The following PRDM6 variants were observed in gnomAD, a reference collection of about 807,000 sequenced individuals.
PRDM6 encodes PR/SET domain 6.
Under a neutral mutation model 60.8 loss-of-function variants are expected in PRDM6, and 25 were observed. The observed-to-expected ratio is 0.41, with a 90% confidence interval of 0.30 to 0.57. The LOEUF is 0.57. Ranked by LOEUF, PRDM6 falls within the 20% of genes least tolerant of loss-of-function variation. The pLI, the probability that PRDM6 is intolerant of heterozygous loss-of-function variation, is 0.27. For missense variants in PRDM6, 839 were observed against 821.3 expected, an observed-to-expected ratio of 1.02 and a Z score of -0.26; for synonymous variants, 407 against 357.4, an observed-to-expected ratio of 1.14 and a Z score of -1.57.
intron 4 of PRDM6, 89 bp from the exon 5 acceptor site, chr5:123,159,425 C>G: frequency 7.0e-7 from 1 of 1,432,058 alleles, no homozygotes; most frequent in Admixed American, 2.4e-5. Flanking sequence ...GATGGAGCTG[C>G]GTAGAACTTT....
chr5:123,180,194 A>G lies in PRDM6; in HGVS notation c.1544A>G (p.Glu515Gly). 6.4e-7 allele frequency: 1 copy of G among 1,552,114 alleles called. No individual in the cohort carries two copies. The highest frequency in any genetic ancestry group is 8.7e-7 in the Non-Finnish European group (1 of 1,147,022). ...TCCCAGTCCTTTTCCCAGCCTTCAG[A>G]ACTGAGGAACCACGTGGTCACTCAC... The part of the protein sequence containing the change: ...HCSQSFSQPS[E>G]LRNHVVTHSS... Residue 515 changes from glutamate to glycine, a missense_variant, in exon 7 of 8, where the codon GAA becomes GGA. This residue lies in a region of PRDM6 where 109 missense variants were observed against 172.6 expected (regional missense o/e 0.63). Coordinates refer to ENST00000407847, the MANE Select transcript of PRDM6 (RefSeq NM_001136239.4).
chr5:123,111,590 C>G (rs335186), intron 3 of PRDM6, among the ~76,000 whole-genome samples: 27,797 of 151,772 alleles, frequency 0.18, 2,660 homozygotes, highest in Non-Finnish European at 0.21. Flanking sequence ...CCCAGCTACT[C>G]GGGAGCCTGA....
chr5:123,114,491 T>C (rs1764388852), intron 3 of PRDM6, among the ~76,000 whole-genome samples: 1 of 152,164 alleles, frequency 6.6e-6, no homozygotes, highest in Non-Finnish European at 1.5e-5. Context: ...CCTTGAGACT[T>C]GTTGAGGTTT....
intron 3 of PRDM6, among the ~76,000 whole-genome samples, chr5:123,153,505 TCA>T (rs1765420261): frequency 6.6e-6 from 1 of 152,164 alleles, no homozygotes; most frequent in East Asian, 1.9e-4. Flanking sequence ...GGGATTTGCG[TCA>T]CAGTTTCATG....
At chr5:123,090,941 C>A (rs763225785) in intron 2 of PRDM6, among the ~76,000 whole-genome samples, 4 of 152,190 alleles carry the variant, frequency 2.6e-5, no homozygotes, top group Non-Finnish European at 5.9e-5. Flanking sequence ...GGACAGTGCC[C>A]GGGGCCAGGC....
At position 123,190,170 on chromosome 5, in the gene PRDM6, CT is replaced by C. The variant is rs1766379926; in HGVS notation, c.*2972del. 2 of 152,242 alleles carry C rather than the reference CT, an allele frequency of 1.3e-5. No individual in the cohort carries two copies. The highest frequency in any genetic ancestry group is 4.1e-4 in the South Asian group (2 of 4,822). 9.4% of individuals were successfully genotyped at this position (152,242 alleles called of 1,614,324 possible). A position where few individuals can be genotyped will look rare whatever the true frequency, so the allele number is the denominator to read the frequency against. ...TGAAGCAATCCTTCTTTACTCTTTT[CT>C]TTCAATGGGGATAAAATAATAATAA... is the stretch of plus-strand genomic sequence containing the variant. On this transcript the variant is annotated 3_prime_UTR_variant, in exon 8 of 8. Transcript: ENST00000407847.
At position 123,111,761 on chromosome 5, in the gene PRDM6, T is replaced by G. The variant is rs138807781; in HGVS notation, c.900+11800T>G. 3.5e-4 allele frequency among the ~76,000 whole-genome samples: 54 copies of G among 152,234 alleles called. No individual in the cohort carries two copies. The East Asian group carries it at 0.01, about 29-fold the overall frequency. On this transcript the variant is annotated intron_variant, in intron 3 of 7. Transcript: ENST00000407847. ...CTTTCTCTTCCTTGCCCCTTGTGGTTGTTTGCCCCGCTTCCTGCCTCTTCC... is the reference window on the plus strand; with the variant it reads ...CTTTCTCTTCCTTGCCCCTTGTGGTGGTTTGCCCCGCTTCCTGCCTCTTCC...
chr5:123,126,120 G>A (rs905539147), intron 3 of PRDM6, among the ~76,000 whole-genome samples: 1 of 152,098 alleles, frequency 6.6e-6, no homozygotes, highest in African/African-American at 2.4e-5. Flanking sequence ...TAGGGACCAC[G>A]TTGGCATAAC....
intron 4 of PRDM6, among the ~76,000 whole-genome samples, chr5:123,158,382 A>G (rs1012478533): frequency 6.6e-6 from 1 of 152,214 alleles, no homozygotes; most frequent in African/African-American, 2.4e-5. Context: ...AAGGGTAGCA[A>G]GAGCTAGGCA....
At position 123,186,304 on chromosome 5, in the gene PRDM6, T is replaced by G. The variant is rs566510451; in HGVS notation, c.1674-783T>G. Among the ~76,000 whole-genome samples the G allele has an allele frequency of 5.3e-5, 8 of 152,340 alleles. 1 individual carries two copies. The East Asian group carries it at 1.2e-3, about 22-fold the overall frequency. On this transcript the variant is annotated intron_variant, in intron 7 of 7. Transcript: ENST00000407847. ...CACCAAGCTAGTAAGTGAAGGTTGT[T>G]TGGAAGATATGGACATGGGAGATAG... is the stretch of plus-strand genomic sequence containing the variant.
At chr5:123,139,505 T>G (rs1242995549) in intron 3 of PRDM6, among the ~76,000 whole-genome samples, 1 of 152,146 alleles carries the variant, frequency 6.6e-6, no homozygotes, top group Non-Finnish European at 1.5e-5. Context: ...GTATCTGTTT[T>G]TTTGGGAGTT....
At chr5:123,186,901 G>T (rs1189885762) in intron 7 of PRDM6, among the ~76,000 whole-genome samples, 186 bp from the exon 8 acceptor site, 1 of 152,218 alleles carries the variant, frequency 6.6e-6, no homozygotes, top group African/African-American at 2.4e-5. Flanking sequence ...CCTCTGTTCT[G>T]CATCAGACGG....
In PRDM6 at chr5:123,132,026, A is replaced by C. The variant is rs149064453; in HGVS notation, c.901-23858A>C. ...AATGACGTCAGTTAACATATAAAGC[A>C]CTTAGAACAGTGCCTGGCACAGAGC... is the stretch of plus-strand genomic sequence containing the variant. On this transcript the variant is annotated intron_variant, in intron 3 of 7. Transcript: ENST00000407847. Among the ~76,000 whole-genome samples, 313 of 152,324 alleles carry C rather than the reference A, an allele frequency of 2.1e-3. 1 individual carries two copies. The highest frequency in any genetic ancestry group is 7.0e-3 in the African/African-American group (289 of 41,578).
chr5:123,187,662 C>T lies in PRDM6; in HGVS notation c.*461C>T, dbSNP rs1766319118. The stretch of plus-strand genomic sequence containing the variant: ...ATTCTGCTGTGTCAGTTTGGCCTGG[C>T]CTGACACTGGCTGCCCCAGCGGGGA... On this transcript the variant is annotated 3_prime_UTR_variant, in exon 8 of 8. Coordinates refer to ENST00000407847, the MANE Select transcript of PRDM6 (RefSeq NM_001136239.4). 2 of 158,334 alleles carry T rather than the reference C, an allele frequency of 1.3e-5. No individual in the cohort carries two copies. Among genetic ancestry groups the T allele is most frequent in the Admixed American group, 1.2e-4 (2 of 16,228 alleles). 9.8% of individuals were successfully genotyped at this position (158,334 alleles called of 1,614,324 possible).
chr5:123,176,306 T>C (rs372790074), intron 6 of PRDM6, among the ~76,000 whole-genome samples: 8 of 145,340 alleles, frequency 5.5e-5, no homozygotes, highest in African/African-American at 1.5e-4. Context: ...CATAAGTTAC[T>C]TGTGGTTGTG....
chr5:123,112,445 C>T (rs146025474), intron 3 of PRDM6, among the ~76,000 whole-genome samples: 1 of 152,268 alleles, frequency 6.6e-6, no homozygotes, highest in African/African-American at 2.4e-5. Context: ...ATCTTTTTCC[C>T]TCCTCGGCTT....
chr5:123,180,013 TG>T (rs1328276345), intron 6 of PRDM6, 133 bp from the exon 7 acceptor site: 1 of 812,212 alleles, frequency 1.2e-6, no homozygotes, highest in Non-Finnish European at 1.9e-6. Context: ...GGGAATCCAG[TG>T]GCCAAAGCTC....
At chr5:123,147,640 A>G (rs1765277163) in intron 3 of PRDM6, among the ~76,000 whole-genome samples, 1 of 152,274 alleles carries the variant, frequency 6.6e-6, no homozygotes, top group African/African-American at 2.4e-5. Context: ...GGGTCTCACC[A>G]GTCAGACATC....
At chr5:123,118,636 C>T (rs563818893) in intron 3 of PRDM6, among the ~76,000 whole-genome samples, 2 of 152,322 alleles carry the variant, frequency 1.3e-5, no homozygotes, top group Non-Finnish European at 2.9e-5. Context: ...CTGTCTTACA[C>T]ATGAGCTGTC....
Sources: allele counts gnomAD v4.1 joint callset (sites outside exome capture counted in the v4.1 genomes callset), GRCh38; gene constraint gnomAD v4.1.1; regional missense constraint gnomAD v4.1.1; transcripts MANE v1.5; gene names NCBI Gene and HGNC (gene_info 2026-07-23, HGNC 2026-07-21).